Variants in SLC26A11 observed in about 807,000 individuals in gnomAD.
The protein encoded by SLC26A11 is sodium-independent sulfate anion transporter.
A neutral mutation model predicts 62.2 loss-of-function variants in SLC26A11; 58 were observed. That is an observed-to-expected ratio of 0.93 (90% confidence interval 0.76 to 1.16). The LOEUF (loss-of-function observed/expected upper bound fraction) is 1.16. SLC26A11 is among the 50% of genes most tolerant of loss of function. SLC26A11 has a pLI of 0.00. For synonymous variants in SLC26A11, 411 were observed against 368.9 expected, an observed-to-expected ratio of 1.11 and a Z score of -1.31; for missense variants, 790 against 794.3, an observed-to-expected ratio of 0.99 and a Z score of 0.06.
chr17:80,221,262 A>G, intron 2 of SLC26A11, 147 bp downstream of exon 2: 1 of 401,462 alleles, frequency 2.5e-6, no homozygotes, highest in South Asian at 6.1e-5. Flanking sequence ...GGAATCGCTT[A>G]TCAGTTTCTT....
rs2043177831 is a variant in SLC26A11, at chr17:80,252,317, C to G, written c.1730-308C>G. Among the ~76,000 whole-genome samples the G allele has an allele frequency of 6.6e-6, 1 of 152,170 alleles. No homozygotes were observed. Among genetic ancestry groups the G allele is most frequent in the Non-Finnish European group, 1.5e-5 (1 of 68,032 alleles). On this transcript the variant is annotated intron_variant, in intron 17 of 17. Coordinates refer to ENST00000361193, the MANE Select transcript of SLC26A11 (RefSeq NM_001166347.2). This position sits in a 1 kb window ranked among gnomAD's most constrained non-coding sequence, Gnocchi z 5.2. ...GGCTCAATGTGACGTCAGGGAGATT[C>G]ACCCATGTTGTTGTAGAATCAGCTC...
chr17:80,233,781 G>C (rs974141605), intron 7 of SLC26A11, among the ~76,000 whole-genome samples: 1 of 149,652 alleles, frequency 6.7e-6, no homozygotes, highest in Admixed American at 6.7e-5. Flanking sequence ...GTCTTCCTAC[G>C]TTGCCCAGGC....
chr17:80,222,448 C>G lies in SLC26A11; in HGVS notation c.235-207C>G. The G allele has an allele frequency of 1.7e-6, 1 of 582,916 alleles. No individual in the cohort carries two copies. Among genetic ancestry groups the G allele is most frequent in the Non-Finnish European group, 3.1e-6 (1 of 327,550 alleles). The allele number at this position is 582,916 out of a possible 1,614,324, so 36.1% of individuals were successfully genotyped here. On this transcript the variant is annotated intron_variant, in intron 3 of 17. Transcript: ENST00000361193. The surrounding 1 kb of genome is among the most constrained non-coding windows in gnomAD (Gnocchi z 4.7). ...GGCCTGCACCGACCCCTCTGCCTGGCTGTCTGCACCCTGAGGCCCCAGTTG... is the reference window on the plus strand; with the variant it reads ...GGCCTGCACCGACCCCTCTGCCTGGGTGTCTGCACCCTGAGGCCCCAGTTG...
At chr17:80,244,274 C>T (rs1294001573) in intron 10 of SLC26A11, among the ~76,000 whole-genome samples, 3 of 152,118 alleles carry the variant, frequency 2.0e-5, no homozygotes, top group African/African-American at 7.2e-5. Context: ...ATGCTGTGGG[C>T]GTGGGCTTTG....
chr17:80,230,751 A>G (rs933115529), intron 7 of SLC26A11, among the ~76,000 whole-genome samples: 2 of 152,222 alleles, frequency 1.3e-5, no homozygotes, highest in African/African-American at 2.4e-5. Context: ...AAACATTTAC[A>G]GTGTAGGGCT....
chr17:80,245,598 C>A (rs1385944356), intron 11 of SLC26A11, among the ~76,000 whole-genome samples: 1 of 152,180 alleles, frequency 6.6e-6, no homozygotes, highest in African/African-American at 2.4e-5. Flanking sequence ...GCCTGGGCAA[C>A]AGAGCGAGAC....
Position 80,246,304 on chromosome 17 carries a change from G to A in SLC26A11, c.1153+95G>A, listed in dbSNP as rs1020806822. On this transcript the variant is annotated intron_variant, in intron 12 of 17. Transcript: ENST00000361193. The surrounding 1 kb of genome is among the most constrained non-coding windows in gnomAD (Gnocchi z 4.4). The stretch of plus-strand genomic sequence containing the variant: ...GAGACGTCCCTTTGGCTCATGGGCC[G>A]TGCGCCCCGGGACTGCACAGGGACT... 56 of 1,482,556 alleles carry A rather than the reference G, an allele frequency of 3.8e-5. No homozygotes were observed. Among genetic ancestry groups the A allele is most frequent in the Middle Eastern group, 1.9e-4 (1 of 5,308 alleles). The allele number at this position is 1,482,556 out of a possible 1,614,324, so 91.8% of individuals were successfully genotyped here. A position where few individuals can be genotyped will look rare whatever the true frequency, so the allele number is the denominator to read the frequency against.
chr17:80,248,942 G>A (rs1052234135), intron 15 of SLC26A11, among the ~76,000 whole-genome samples: 1 of 152,160 alleles, frequency 6.6e-6, no homozygotes, highest in East Asian at 1.9e-4. Context: ...CTAAGGGCCT[G>A]TGAGTCCTAG....
At position 80,246,486 on chromosome 17, in the gene SLC26A11, A is replaced by G. The variant is rs770727130; in HGVS notation, c.1154-23A>G. 10 of 1,606,810 alleles carry G rather than the reference A, an allele frequency of 6.2e-6. No individual in the cohort carries two copies. The East Asian group carries it at 2.2e-4, about 36-fold the overall frequency. On this transcript the variant is annotated intron_variant, in intron 12 of 17. Coordinates refer to ENST00000361193, the MANE Select transcript of SLC26A11 (RefSeq NM_001166347.2). This position sits in a 1 kb window ranked among gnomAD's most constrained non-coding sequence, Gnocchi z 4.4. ...GGGGGGACCCTGCACTCCCGAGGTC[A>G]CCTGTGTTCCCGTGCCCCGCAGGAG...
At position 80,246,552 on chromosome 17, in the gene SLC26A11, C is replaced by T. The variant is rs1410847377; in HGVS notation, c.1197C>T (p.Phe399=). Residue 399 remains phenylalanine, a synonymous_variant, in exon 13 of 18, where the codon TTC becomes TTT. Coordinates refer to ENST00000361193, the MANE Select transcript of SLC26A11 (RefSeq NM_001166347.2). This position sits in a 1 kb window ranked among gnomAD's most constrained non-coding sequence, Gnocchi z 4.4. Reference sequence around the variant, plus strand: ...CTCTGGACTACCTGACCTCACTGTTCTACTACATCCCCAAGTCTGCCCTGG... The same window carrying T: ...CTCTGGACTACCTGACCTCACTGTTTTACTACATCCCCAAGTCTGCCCTGG... ...LLSLDYLTSL[F]YYIPKSALAA... 6.2e-7 allele frequency: 1 copy of T among 1,613,524 alleles called. No homozygotes were observed. Among genetic ancestry groups the T allele is most frequent in the African/African-American group, 1.3e-5 (1 of 74,944 alleles).
At chr17:80,248,839 GC>G (rs34911974) in intron 15 of SLC26A11, among the ~76,000 whole-genome samples, 165 bp downstream of exon 15, 52,193 of 152,050 alleles carry the variant, frequency 0.34, 10,074 homozygotes, top group East Asian at 0.59. Context: ...TCAGCCAGTG[GC>G]TGCTGCAGCA....
chr17:80,243,552 T>C (rs571412124), intron 10 of SLC26A11, among the ~76,000 whole-genome samples: 1 of 152,290 alleles, frequency 6.6e-6, no homozygotes, highest in East Asian at 1.9e-4. Context: ...CACCTGCCCC[T>C]GAGCCTGGCT....
intron 14 of SLC26A11, 51 bp from the exon 15 acceptor site, chr17:80,248,524 G>A (rs1316424348): frequency 6.6e-7 from 1 of 1,521,254 alleles, no homozygotes; most frequent in Non-Finnish European, 8.9e-7. Context: ...GGCCAAGCCT[G>A]GTGGAGGCCA....
chr17:80,224,395 A>G (rs1205957294), intron 5 of SLC26A11, among the ~76,000 whole-genome samples: 11 of 114,672 alleles, frequency 9.6e-5, no homozygotes, highest in East Asian at 2.7e-4. Context: ...GTGTGAGTGT[A>G]TGAGTGTGAG....
chr17:80,247,904 G>A (rs544844332), intron 13 of SLC26A11, among the ~76,000 whole-genome samples: 9 of 152,310 alleles, frequency 5.9e-5, no homozygotes, highest in South Asian at 4.1e-4. Context: ...GGGACCGGCC[G>A]GCAGGTCTCA....
intron 3 of SLC26A11, 23 bp downstream of exon 3, chr17:80,221,817 C>T (rs1330395733): frequency 2.5e-6 from 4 of 1,595,366 alleles, no homozygotes; most frequent in Admixed American, 1.7e-5. Context: ...ACCCTGCTGC[C>T]AGCCATATCT....
Position 80,244,974 on chromosome 17 carries a change from C to CAA in SLC26A11, c.1037-200_1037-199dup, listed in dbSNP as rs34294039. On this transcript the variant is annotated intron_variant, in intron 10 of 17. Transcript: ENST00000361193. ...TGGGCAACAAAGCCAGACTCTGTCT[C>CAA]AAAAAAAAAAAAAAAAAAAAAAAGG... 8.2e-3 allele frequency among the ~76,000 whole-genome samples: 548 copies of CAA among 66,524 alleles called. 4 individuals carry two copies. The highest frequency in any genetic ancestry group is 0.01 in the Non-Finnish European group (385 of 36,748). The allele number at this position is 66,524 out of a possible 152,430, so 43.6% of individuals were successfully genotyped here.
Position 80,223,428 on chromosome 17 carries a change from C to T in SLC26A11, c.513+91C>T, listed in dbSNP as rs538351608. On this transcript the variant is annotated intron_variant, in intron 5 of 17. Transcript: ENST00000361193. The surrounding 1 kb of genome is among the most constrained non-coding windows in gnomAD (Gnocchi z 4.6). ...AGCAGGACTGAGGCCAGTCCTGATC[C>T]CTGTGGCCAGTGGACGTCTTGCTGT... The T allele has an allele frequency of 8.1e-7, 1 of 1,232,226 alleles. No individual in the cohort carries two copies. The highest frequency in any genetic ancestry group is 1.2e-6 in the Non-Finnish European group (1 of 852,738). 76.3% of individuals were successfully genotyped at this position (1,232,226 alleles called of 1,614,324 possible).
intron 5 of SLC26A11, among the ~76,000 whole-genome samples, chr17:80,224,228 AGT>A (rs977597500): frequency 9.6e-5 from 14 of 145,482 alleles, no homozygotes; most frequent in South Asian, 4.4e-4. Context: ...AGTGTGTGAG[AGT>A]GTGAGTGGGT....
Sources: allele counts gnomAD v4.1 joint callset (sites outside exome capture counted in the v4.1 genomes callset), GRCh38; gene constraint gnomAD v4.1.1; non-coding constraint Gnocchi (gnomAD v3.1); transcripts MANE v1.5; gene names NCBI Gene and HGNC (gene_info 2026-07-23, HGNC 2026-07-21).